Variants in ZFHX3 observed in about 807,000 individuals in gnomAD.
ZFHX3 encodes the protein zinc finger homeobox protein 3.
Under a neutral mutation model 279.1 loss-of-function variants are expected in ZFHX3, and 42 were observed. The ratio of observed to expected loss-of-function variants is 0.15; its 90% CI spans 0.12 to 0.19. The LOEUF (loss-of-function observed/expected upper bound fraction) is 0.19, where lower values mean the gene tolerates loss of function less well. Ranked by LOEUF, ZFHX3 falls within the 10% of genes least tolerant of loss-of-function variation. ZFHX3 has a pLI of 1.00. For missense variants in ZFHX3, 4,981 were observed against 4,754.0 expected (o/e 1.05, Z -1.40); for synonymous variants, 2,293 against 1,957.8 (o/e 1.17, Z -4.52).
At chr16:73,432,293 G>C (rs988492328) in intron 3 of ZFHX3, among the ~76,000 whole-genome samples, 8 of 152,044 alleles carry the variant, frequency 5.3e-5, no homozygotes, top group African/African-American at 1.4e-4. Context: ...CTTGGCCTTG[G>C]GGTCTTCCAC....
intron 1 of ZFHX3, among the ~76,000 whole-genome samples, chr16:73,024,401 TC>T (rs932481906): frequency 1.1e-4 from 17 of 151,898 alleles, no homozygotes; most frequent in African/African-American, 4.1e-4. Context: ...TCCCCTTCCT[TC>T]CCCCAGCCAC....
At chr16:73,339,388 C>G (rs2015985553) in intron 3 of ZFHX3, among the ~76,000 whole-genome samples, 1 of 151,052 alleles carries the variant, frequency 6.6e-6, no homozygotes, top group African/African-American at 2.4e-5. Context: ...GAGTCCCTCA[C>G]AGGTTCTATT....
At chr16:72,813,569 C>G (rs1203123260) in intron 5 of ZFHX3, among the ~76,000 whole-genome samples, 1 of 152,170 alleles carries the variant, frequency 6.6e-6, no homozygotes, top group African/African-American at 2.4e-5. Flanking sequence ...GTAACCTGGT[C>G]TACATAAGTT....
At chr16:73,036,129 T>C (rs1341418113) in intron 1 of ZFHX3, among the ~76,000 whole-genome samples, 1 of 152,072 alleles carries the variant, frequency 6.6e-6, no homozygotes, top group Non-Finnish European at 1.5e-5. Flanking sequence ...TGCGCGCGCA[T>C]AGACAGACTC....
intron 2 of ZFHX3, among the ~76,000 whole-genome samples, chr16:73,627,124 T>C (rs1021354017): frequency 2.0e-5 from 3 of 152,184 alleles, no homozygotes; most frequent in East Asian, 3.9e-4. Context: ...TCTTCCAAGT[T>C]AGAAGAATAC....
chr16:73,697,564 T>C (rs1044493909), intron 1 of ZFHX3, among the ~76,000 whole-genome samples: 1 of 152,222 alleles, frequency 6.6e-6, no homozygotes, highest in Non-Finnish European at 1.5e-5. Context: ...AAGTCATTGA[T>C]ATGCAAATAC....
chr16:73,801,491 C>G (rs1200734629), intron 1 of ZFHX3, among the ~76,000 whole-genome samples: 3 of 152,204 alleles, frequency 2.0e-5, no homozygotes, highest in Non-Finnish European at 4.4e-5. Context: ...CAGGAGACAG[C>G]ATAAACCAGG....
intron 4 of ZFHX3, among the ~76,000 whole-genome samples, chr16:73,258,355 A>ATATATT (rs1341045502): frequency 9.9e-5 from 15 of 150,820 alleles, no homozygotes; most frequent in Non-Finnish European, 4.4e-5. Context: ...ATATATATAT[A>ATATATT]TATTTGTTTT....
intron 1 of ZFHX3, among the ~76,000 whole-genome samples, chr16:73,695,811 A>G (rs1037391185): frequency 1.3e-5 from 2 of 152,098 alleles, no homozygotes; most frequent in Non-Finnish European, 2.9e-5. Flanking sequence ...GTCTGACTCT[A>G]GGGTACCCAT....
intron 5 of ZFHX3, among the ~76,000 whole-genome samples, chr16:73,202,634 G>A (rs1292994810): frequency 3.9e-5 from 6 of 152,176 alleles, no homozygotes; most frequent in African/African-American, 7.2e-5. Context: ...GATGGACTTC[G>A]GCCCCAGTCT....
At position 73,142,876 on chromosome 16, in the gene ZFHX3, T is replaced by C. The variant is rs1380729594; in HGVS notation, c.-1024+876A>G. On this transcript the variant is annotated intron_variant, in intron 6 of 17. Coordinates refer to the ZFHX3 transcript ENST00000641206. ...GAAACTGACGTCCAGAAAGGCCCAG[T>C]GATTGGTCCATATTAACAAGGCCAT... 3.3e-5 allele frequency among the ~76,000 whole-genome samples: 5 copies of C among 152,270 alleles called. No homozygotes were observed. In the East Asian group the frequency reaches 7.7e-4, roughly 24 times the overall value.
intron 3 of ZFHX3, among the ~76,000 whole-genome samples, chr16:72,927,639 G>C (rs1597384967): frequency 6.6e-6 from 1 of 152,262 alleles, no homozygotes; most frequent in South Asian, 2.1e-4. Flanking sequence ...CATGGCACTG[G>C]GGCTGGCAGC....
chr16:73,556,032 G>T (rs982858269), intron 2 of ZFHX3, among the ~76,000 whole-genome samples: 2 of 152,192 alleles, frequency 1.3e-5, no homozygotes, highest in African/African-American at 4.8e-5. Context: ...TGTGAAGTCA[G>T]TTTGTGTTTC....
At chr16:73,702,151 TAAC>T (rs1271409551) in intron 1 of ZFHX3, among the ~76,000 whole-genome samples, 1 of 152,018 alleles carries the variant, frequency 6.6e-6, no homozygotes, top group Non-Finnish European at 1.5e-5. Flanking sequence ...CTATGGGTAA[TAAC>T]AACCGCACCC....
chr16:73,658,030 T>C, intron 2 of ZFHX3, among the ~76,000 whole-genome samples: 1 of 152,222 alleles, frequency 6.6e-6, no homozygotes, highest in Non-Finnish European at 1.5e-5. Context: ...AATACTTCAT[T>C]TTAATAGAGA....
intron 4 of ZFHX3, among the ~76,000 whole-genome samples, chr16:72,866,158 G>A (rs543875281): frequency 2.0e-5 from 3 of 152,316 alleles, no homozygotes; most frequent in South Asian, 4.1e-4. Flanking sequence ...ATCCTAAAAT[G>A]AAATAACACT....
At chr16:73,486,704 G>A (rs2018979201) in intron 2 of ZFHX3, 2 of 436,008 alleles carry the variant, frequency 4.6e-6, no homozygotes, top group African/African-American at 2.0e-5. Context: ...GACTTTCCTG[G>A]TTTCCTGCTA....
chr16:73,670,435 C>T (rs534065230), intron 2 of ZFHX3, among the ~76,000 whole-genome samples: 1 of 152,266 alleles, frequency 6.6e-6, no homozygotes, highest in South Asian at 2.1e-4. Flanking sequence ...CAGTAAAACA[C>T]TCAGAGCTCC....
chr16:73,038,809 T>TATC (rs1399827928), intron 1 of ZFHX3, among the ~76,000 whole-genome samples: 1 of 151,256 alleles, frequency 6.6e-6, no homozygotes, highest in Non-Finnish European at 1.5e-5. Context: ...TTATTATTAT[T>TATC]ATTATTGAGT....
Sources: gnomAD v4.1 joint callset for allele counts (sites outside exome capture counted in the v4.1 genomes callset) on GRCh38, gnomAD v4.1.1 for gene constraint, MANE v1.5 for transcripts, NCBI Gene and HGNC (gene_info 2026-07-23, HGNC 2026-07-21) for gene names.